Variants in CDC42BPA observed in about 807,000 individuals in gnomAD.
CDC42BPA encodes the protein CDC42 binding protein kinase alpha, also known as serine/threonine-protein kinase MRCK alpha.
CDC42BPA carries 80 observed loss-of-function variants against 223.5 expected under a neutral mutation model. The ratio of observed to expected loss-of-function variants is 0.36; its 90% confidence interval spans 0.30 to 0.43. The LOEUF is 0.43. CDC42BPA is among the 20% of genes least tolerant of loss of function. CDC42BPA has a pLI of 1.00. For synonymous variants in CDC42BPA, 694 were observed against 718.6 expected (o/e 0.97, Z 0.55); for missense variants, 1,743 against 2,099.9 (o/e 0.83, Z 3.32).
chr1:227,223,952 C>T (rs1442204122), intron 2 of CDC42BPA, among the ~76,000 whole-genome samples: 1 of 152,026 alleles, frequency 6.6e-6, no homozygotes, highest in Non-Finnish European at 1.5e-5. Context: ...GTTCTGAGCA[C>T]GTTTAAGGTA....
At chr1:227,125,492 G>C (rs1046542860) in intron 11 of CDC42BPA, among the ~76,000 whole-genome samples, 5 of 151,574 alleles carry the variant, frequency 3.3e-5, no homozygotes, top group Admixed American at 2.6e-4. Context: ...AGCTACTCAG[G>C]AGGATGAGGC....
At chr1:227,031,245 A>C in intron 28 of CDC42BPA, 53 bp downstream of exon 28, 1 of 1,406,252 alleles carries the variant, frequency 7.1e-7, no homozygotes, top group Non-Finnish European at 1.0e-6. Flanking sequence ...CCCTGTTCTC[A>C]AGGTAGATTA....
chr1:227,086,177 T>C (rs1161587864), intron 16 of CDC42BPA, among the ~76,000 whole-genome samples: 1 of 152,236 alleles, frequency 6.6e-6, no homozygotes, highest in African/African-American at 2.4e-5. Flanking sequence ...TCCTTTTTAC[T>C]GCTGAGTGGT....
chr1:227,105,185 C>T (rs2149341172), intron 14 of CDC42BPA, among the ~76,000 whole-genome samples: 1 of 152,112 alleles, frequency 6.6e-6, no homozygotes, highest in South Asian at 2.1e-4. Context: ...AATTCAATGG[C>T]ATTAATTACA....
chr1:227,111,645 G>T (rs1056098411), intron 14 of CDC42BPA, among the ~76,000 whole-genome samples: 1 of 151,944 alleles, frequency 6.6e-6, no homozygotes, highest in South Asian at 2.1e-4. Context: ...CACCATGCCT[G>T]GCTAATTTTG....
chr1:227,215,949 C>T (rs1674744184), intron 2 of CDC42BPA, among the ~76,000 whole-genome samples: 1 of 151,984 alleles, frequency 6.6e-6, no homozygotes, highest in Non-Finnish European at 1.5e-5. Flanking sequence ...TTGAAATGAA[C>T]TTAAATATTC....
intron 32 of CDC42BPA, among the ~76,000 whole-genome samples, chr1:227,018,255 A>C (rs1666701599): frequency 6.6e-6 from 1 of 152,074 alleles, no homozygotes; most frequent in African/African-American, 2.4e-5. Context: ...GTGGGACACA[A>C]ATTTGGAATT....
At chr1:227,139,764 G>A (rs1198874217) in intron 9 of CDC42BPA, 22 bp from the exon 10 acceptor site, 10 of 1,467,212 alleles carry the variant, frequency 6.8e-6, no homozygotes, top group Non-Finnish European at 9.1e-6. Context: ...AAAAAAAAAT[G>A]TAGGTTCATA....
chr1:227,271,363 A>G (rs1483656409), intron 1 of CDC42BPA, among the ~76,000 whole-genome samples: 2 of 152,182 alleles, frequency 1.3e-5, no homozygotes, highest in Non-Finnish European at 2.9e-5. Flanking sequence ...TGTGCACAGT[A>G]GAGGGATATG....
At chr1:227,213,777 G>A (rs1365360163) in intron 2 of CDC42BPA, among the ~76,000 whole-genome samples, 1 of 151,492 alleles carries the variant, frequency 6.6e-6, no homozygotes, top group Non-Finnish European at 1.5e-5. Context: ...ATATACATAC[G>A]CATAGAGAGC....
At chr1:227,182,693 C>G (rs1668133841) in intron 5 of CDC42BPA, among the ~76,000 whole-genome samples, 1 of 152,088 alleles carries the variant, frequency 6.6e-6, no homozygotes, top group South Asian at 2.1e-4. Context: ...TGAAGGATGC[C>G]TAATTGGCTG....
chr1:227,123,563 G>A (rs1558548265), intron 11 of CDC42BPA, among the ~76,000 whole-genome samples: 1 of 152,192 alleles, frequency 6.6e-6, no homozygotes, highest in African/African-American at 2.4e-5. Context: ...AATGCAAATT[G>A]TGTGGCAGGC....
At chr1:227,313,737 T>A (rs779599513) in intron 1 of CDC42BPA, among the ~76,000 whole-genome samples, 1 of 148,782 alleles carries the variant, frequency 6.7e-6, no homozygotes, top group East Asian at 2.0e-4. Context: ...AACACCTCAC[T>A]TAATTAACAC....
chr1:227,309,761 G>A (rs1693199419), intron 1 of CDC42BPA, among the ~76,000 whole-genome samples: 1 of 152,192 alleles, frequency 6.6e-6, no homozygotes, highest in East Asian at 1.9e-4. Flanking sequence ...AGCTTAATTA[G>A]AGCAGGAAAA....
At chr1:227,250,442 T>G (rs1283717328) in intron 2 of CDC42BPA, among the ~76,000 whole-genome samples, 1 of 151,618 alleles carries the variant, frequency 6.6e-6, no homozygotes, top group Admixed American at 6.6e-5. Flanking sequence ...GAGCCAAGAT[T>G]GCACCACTGC....
rs79231041 is a variant in CDC42BPA at position 227,058,493 on chromosome 1, T to C, written c.2905-6508A>G. 2.5e-3 allele frequency among the ~76,000 whole-genome samples: 387 copies of C among 152,314 alleles called. 9 individuals carry two copies. The East Asian group carries it at 0.046, about 18-fold the overall frequency. On this transcript the variant is annotated intron_variant, in intron 21 of 36. Transcript: ENST00000366766. ...GGTGAACATTACGAATTTGTATCCA[T>C]CACTGACTTTCCTTTTGAATGTTAC...
chr1:226,991,198 T>G lies in CDC42BPA; in HGVS notation c.*3070A>C, dbSNP rs566009419. ...AGATAGCACCAAATACTAACACAGA[T>G]AGACTATCCCAGAAATGCCTCTGAA... On this transcript the variant is annotated 3_prime_UTR_variant, in exon 37 of 37. Coordinates refer to ENST00000366766, the MANE Select transcript of CDC42BPA (RefSeq NM_001394014.1). 2 of 152,632 alleles carry G rather than the reference T, an allele frequency of 1.3e-5. No homozygotes were observed. Among genetic ancestry groups the G allele is most frequent in the Non-Finnish European group, 2.9e-5 (2 of 68,036 alleles). 9.5% of individuals were successfully genotyped at this position (152,632 alleles called of 1,614,324 possible).
At position 226,994,465 on chromosome 1, in the gene CDC42BPA, A is replaced by C; in HGVS notation, c.5134-66T>G. The C allele has an allele frequency of 1.4e-6, 2 of 1,450,720 alleles. No individual in the cohort carries two copies. The highest frequency in any genetic ancestry group is 2.9e-5 in the South Asian group (2 of 68,304). The allele number at this position is 1,450,720 out of a possible 1,614,324, so 89.9% of individuals were successfully genotyped here. ...AGAAAGGGAGGCAGAAGGGGCTCAGATTACCACCGCCCCCTCCAGCCACCC... is the reference window on the plus strand; with the variant it reads ...AGAAAGGGAGGCAGAAGGGGCTCAGCTTACCACCGCCCCCTCCAGCCACCC... On this transcript the variant is annotated intron_variant, in intron 36 of 36. Coordinates refer to ENST00000366766, the MANE Select transcript of CDC42BPA (RefSeq NM_001394014.1). The surrounding 1 kb of genome is among the most constrained non-coding windows in gnomAD (Gnocchi z 4.0).
chr1:227,197,384 T>G (rs1017043010), intron 4 of CDC42BPA, among the ~76,000 whole-genome samples: 1 of 152,160 alleles, frequency 6.6e-6, no homozygotes, highest in Non-Finnish European at 1.5e-5. Context: ...AAAGAAACAC[T>G]GGCAAGTTAC....
Sources: allele counts gnomAD v4.1 joint callset (sites outside exome capture counted in the v4.1 genomes callset), GRCh38; gene constraint gnomAD v4.1.1; non-coding constraint Gnocchi (gnomAD v3.1); transcripts MANE v1.5; gene names NCBI Gene and HGNC (gene_info 2026-07-23, HGNC 2026-07-21).